Variants in BDH2 observed in about 807,000 individuals in gnomAD.
BDH2 encodes 3-hydroxybutyrate dehydrogenase 2.
A neutral mutation model predicts 33.2 loss-of-function variants in BDH2; 24 were observed. The observed-to-expected ratio is 0.72, with a 90% CI of 0.52 to 1.02. The LOEUF is 1.02. BDH2 is among the 50% of genes least tolerant of loss of function. BDH2 has a pLI of 0.00. For missense variants in BDH2, 249 were observed against 301.6 expected (o/e 0.83, Z 1.29); for synonymous variants, 81 against 101.6 (o/e 0.80, Z 1.22).
chr4:103,079,697 T>C lies in BDH2; in HGVS notation c.*5A>G. ...GCCTTCCTTCCCACCATGGAGATCCTAAAATCACAAGCTCCAGCCTCCATC... is the reference window on the plus strand; with the variant it reads ...GCCTTCCTTCCCACCATGGAGATCCCAAAATCACAAGCTCCAGCCTCCATC... On this transcript the variant is annotated 3_prime_UTR_variant, in exon 10 of 10. Coordinates refer to ENST00000296424, the MANE Select transcript of BDH2 (RefSeq NM_020139.4). The C allele has an allele frequency of 6.2e-7, 1 of 1,613,760 alleles. No individual in the cohort carries two copies. The highest frequency in any genetic ancestry group is 8.5e-7 in the Non-Finnish European group (1 of 1,179,736).
chr4:103,085,992 A>G, intron 6 of BDH2: 1 of 1,160,202 alleles, frequency 8.6e-7, no homozygotes, highest in East Asian at 6.5e-5. Context: ...CTGATGGCTC[A>G]GATCAACTGT....
At chr4:103,089,840 T>TA (rs1279184821) in intron 5 of BDH2, among the ~76,000 whole-genome samples, 3 of 152,076 alleles carry the variant, frequency 2.0e-5, no homozygotes, top group South Asian at 2.1e-4. Flanking sequence ...CAACTTACAT[T>TA]AAAAAAAACA....
chr4:103,077,616 A>T lies in BDH2; in HGVS notation c.*2086T>A, dbSNP rs967586695. Among the ~76,000 whole-genome samples the T allele has an allele frequency of 1.3e-5, 2 of 152,170 alleles. No individual in the cohort carries two copies. The highest frequency in any genetic ancestry group is 4.8e-5 in the African/African-American group (2 of 41,434). The stretch of plus-strand genomic sequence containing the variant: ...GTTAATGTTGGAGCCCATTTTGTAG[A>T]ATTCGTTGTGCATTTATTTAAAATT... On this transcript the variant is annotated 3_prime_UTR_variant, in exon 10 of 10. Transcript: ENST00000296424.
chr4:103,082,792 T>C, intron 8 of BDH2, 79 bp downstream of exon 8: 1 of 1,262,780 alleles, frequency 7.9e-7, no homozygotes, highest in Non-Finnish European at 1.2e-6. Flanking sequence ...TTTCTGTCTC[T>C]ATGAATTTGT....
At chr4:103,087,961 G>C (rs1260008414) in intron 5 of BDH2, among the ~76,000 whole-genome samples, 1 of 152,106 alleles carries the variant, frequency 6.6e-6, no homozygotes, top group Non-Finnish European at 1.5e-5. Context: ...TGATTTCTTA[G>C]GATATTCTTC....
chr4:103,082,068 G>A lies in BDH2; in HGVS notation c.684+13C>T, dbSNP rs777189396. On this transcript the variant is annotated intron_variant, in intron 9 of 9. Coordinates refer to ENST00000296424, the MANE Select transcript of BDH2 (RefSeq NM_020139.4). ...TTGAGGGTAATGAACTCCTTGGGAA[G>A]AATAGTGCTTACTTCATCAGAAGCC... 6.2e-7 allele frequency: 1 copy of A among 1,609,322 alleles called. No homozygotes were observed. The highest frequency in any genetic ancestry group is 8.5e-7 in the Non-Finnish European group (1 of 1,175,666).
chr4:103,091,671 G>A, intron 4 of BDH2: 1 of 454,626 alleles, frequency 2.2e-6, no homozygotes, highest in South Asian at 1.6e-5. Flanking sequence ...CTTGAGCCCA[G>A]GAGTTTTAGG....
chr4:103,080,065 T>TA (rs1560568259), intron 9 of BDH2, among the ~76,000 whole-genome samples: 1 of 152,234 alleles, frequency 6.6e-6, no homozygotes, highest in East Asian at 1.9e-4. Context: ...GGATATAGGC[T>TA]AAAAGCACAT....
intron 7 of BDH2, among the ~76,000 whole-genome samples, chr4:103,083,995 T>C (rs866244921): frequency 6.6e-6 from 1 of 152,308 alleles, no homozygotes; most frequent in African/African-American, 2.4e-5. Context: ...ACCCAGTTCA[T>C]TAGGAACATC....
rs1748400523 is a variant in BDH2, at chr4:103,096,265, G to A, written c.-11C>T. 1 of 1,611,810 alleles carries A rather than the reference G, an allele frequency of 6.2e-7. No individual in the cohort carries two copies. Among genetic ancestry groups the A allele is most frequent in the South Asian group, 1.1e-5 (1 of 90,912 alleles). On this transcript the variant is annotated 5_prime_UTR_variant, in exon 2 of 10. Coordinates refer to ENST00000296424, the MANE Select transcript of BDH2 (RefSeq NM_020139.4). ...ATCAAGTCGACCCATAATGGAACCT[G>A]TGGTTTAATCTAAAGACATGTGTGT...
intron 3 of BDH2, among the ~76,000 whole-genome samples, chr4:103,094,140 A>T (rs1042495444): frequency 6.6e-6 from 1 of 152,160 alleles, no homozygotes; most frequent in Middle Eastern, 3.4e-3. Context: ...TAATCTGGGT[A>T]CTCTCTTAGG....
chr4:103,080,541 G>C lies in BDH2; in HGVS notation c.685-786C>G, dbSNP rs567060666. On this transcript the variant is annotated intron_variant, in intron 9 of 9. Coordinates refer to ENST00000296424, the MANE Select transcript of BDH2 (RefSeq NM_020139.4). The stretch of plus-strand genomic sequence containing the variant: ...GGAAGTAAGGATATCATAATGAATA[G>C]AGAAATTTTAAGAGTTCAATAGATA... Among the ~76,000 whole-genome samples, 90 of 152,308 alleles carry C rather than the reference G, an allele frequency of 5.9e-4. No individual in the cohort carries two copies. In the South Asian group the frequency reaches 0.013, roughly 21 times the overall value.
chr4:103,086,545 C>T lies in BDH2; in HGVS notation c.358-5G>A, dbSNP rs776738856. 16 of 1,563,360 alleles carry T rather than the reference C, an allele frequency of 1.0e-5. No homozygotes were observed. The Admixed American group carries it at 2.5e-4, about 24-fold the overall frequency. ...GCCAGATTTCTGAGCAAGCATCTGC[C>T]AAAACAAAACAAATACAAAAAAAAA... On this transcript the variant is annotated splice_region_variant and splice_polypyrimidine_tract_variant and intron_variant, in intron 5 of 9. Transcript: ENST00000296424.
At chr4:103,088,306 C>T (rs185046544) in intron 5 of BDH2, among the ~76,000 whole-genome samples, 60 of 152,242 alleles carry the variant, frequency 3.9e-4, no homozygotes, top group Non-Finnish European at 5.1e-4. Flanking sequence ...ACATATACCC[C>T]AATTTAATAC....
rs575407246 is a variant in BDH2, at chr4:103,092,535, T to C, written c.248+65A>G. Reference sequence around the variant, plus strand: ...GAATGATTTTGCCACATTATGAAAATTCTTTGAATGAAAGTCATAGAAAAC... The same window carrying C: ...GAATGATTTTGCCACATTATGAAAACTCTTTGAATGAAAGTCATAGAAAAC... On this transcript the variant is annotated intron_variant, in intron 4 of 9. Transcript: ENST00000296424. 9.8e-6 allele frequency: 11 copies of C among 1,127,084 alleles called. No homozygotes were observed. In the African/African-American group the frequency reaches 1.5e-4, roughly 16 times the overall value. The allele number at this position is 1,127,084 out of a possible 1,614,324, so 69.8% of individuals were successfully genotyped here.
chr4:103,082,016 T>G, intron 9 of BDH2, 65 bp downstream of exon 9: 9 of 1,310,084 alleles, frequency 6.9e-6, no homozygotes, highest in Non-Finnish European at 8.8e-6. Flanking sequence ...GATATTATTT[T>G]GATGAGCAAA....
chr4:103,092,630 T>C lies in BDH2; in HGVS notation c.218A>G (p.Glu73Gly). 2 of 1,612,572 alleles carry C rather than the reference T, an allele frequency of 1.2e-6. No individual in the cohort carries two copies. The highest frequency in any genetic ancestry group is 1.7e-6 in the Non-Finnish European group (2 of 1,178,892). The change falls in exon 4 of 10, where the codon GAG becomes GGG. Residue 73 changes from glutamate to glycine, a missense_variant. Coordinates refer to ENST00000296424, the MANE Select transcript of BDH2 (RefSeq NM_020139.4). ...KQIDQFANEV[E>G]RLDVLFNVAG... is the part of the protein sequence containing the mutation. ...AACATTAAAGAGAACATCAAGTCTC[T>C]CAACTTCATTGGCAAACTGATCAAT... is the stretch of plus-strand genomic sequence containing the variant.
Position 103,085,390 on chromosome 4 carries a change from T to C in BDH2, c.491A>G (p.Asp164Gly), listed in dbSNP as rs1160887029. The change falls in exon 7 of 10, where the codon GAT becomes GGT. Residue 164 changes from aspartate to glycine, a missense_variant. By Grantham distance (94) the Asp-to-Gly change is moderately conservative (BLOSUM62 -1). Coordinates refer to ENST00000296424, the MANE Select transcript of BDH2 (RefSeq NM_020139.4). ...GCACCTGATGCCCTGCTGGATGAAA[T>C]CTGCAGCCACAGATTTTGTGAGGCC... ...VIGLTKSVAA[D>G]FIQQGIRCNC... The C allele has an allele frequency of 2.5e-6, 4 of 1,612,048 alleles. No homozygotes were observed. Among genetic ancestry groups the C allele is most frequent in the African/African-American group, 2.7e-5 (2 of 74,900 alleles).
chr4:103,088,686 C>T (rs1314121133), intron 5 of BDH2, among the ~76,000 whole-genome samples: 1 of 152,174 alleles, frequency 6.6e-6, no homozygotes, highest in Non-Finnish European at 1.5e-5. Flanking sequence ...AGAAATACCC[C>T]TTAAGAGTCC....
Sources: allele counts gnomAD v4.1 joint callset (sites outside exome capture counted in the v4.1 genomes callset), GRCh38; gene constraint gnomAD v4.1.1; transcripts MANE v1.5; gene names NCBI Gene and HGNC (gene_info 2026-07-23, HGNC 2026-07-21).